GOLGA4: variants seen among roughly 807,000 people sequenced by gnomAD.
GOLGA4 encodes golgin subfamily A member 4.
A neutral mutation model predicts 265.9 loss-of-function variants in GOLGA4; 169 were observed. The observed-to-expected ratio is 0.64, with a 90% CI of 0.56 to 0.72. GOLGA4 has a LOEUF of 0.72. GOLGA4 is among the 30% of genes least tolerant of loss of function. The pLI is 0.00. For synonymous variants in GOLGA4, 923 were observed against 855.8 expected, an observed-to-expected ratio of 1.08 and a Z score of -1.37; for missense variants, 2,482 against 2,483.4, an observed-to-expected ratio of 1.00 and a Z score of 0.01.
intron 19 of GOLGA4, among the ~76,000 whole-genome samples, chr3:37,339,063 C>T (rs1283807645): frequency 6.6e-6 from 1 of 151,980 alleles, no homozygotes; most frequent in African/African-American, 2.4e-5. Flanking sequence ...GGGGTTTCAC[C>T]ATGTTAGCCA....
At chr3:37,299,084 C>T (rs1336873645) in intron 8 of GOLGA4, 64 bp downstream of exon 8, 5 of 1,353,528 alleles carry the variant, frequency 3.7e-6, no homozygotes, top group Non-Finnish European at 5.1e-6. Flanking sequence ...GGCTCCACAG[C>T]ATGGCTTGTA....
chr3:37,283,335 A>G (rs2096839786), intron 3 of GOLGA4, among the ~76,000 whole-genome samples: 1 of 152,226 alleles, frequency 6.6e-6, no homozygotes, highest in South Asian at 2.1e-4. Context: ...AGGCACTTGT[A>G]GAATCAAGCA....
Position 37,275,804 on chromosome 3 carries a change from C to T in GOLGA4, c.163-6154C>T. 7.4e-6 allele frequency: 12 copies of T among 1,613,698 alleles called. No individual in the cohort carries two copies. The South Asian group carries it at 8.8e-5, about 12-fold the overall frequency. The stretch of plus-strand genomic sequence containing the variant: ...GGAGCTTAAGAATATTCCTATGACC[C>T]TGGAATTACTGCAGTCCACAAGAAT... On this transcript the variant is annotated intron_variant, in intron 2 of 23. Transcript: ENST00000361924.
intron 3 of GOLGA4, among the ~76,000 whole-genome samples, chr3:37,283,882 AT>A (rs930288163): frequency 5.3e-5 from 8 of 152,186 alleles, no homozygotes; most frequent in African/African-American, 1.7e-4. Flanking sequence ...GTAGATGTTA[AT>A]TAGCTCAGTT....
At position 37,337,708 on chromosome 3, in the gene GOLGA4, T is replaced by C. The variant is rs1184697967; in HGVS notation, c.6370T>C (p.Leu2124=). 1 of 1,611,574 alleles carries C rather than the reference T, an allele frequency of 6.2e-7. No homozygotes were observed. Among genetic ancestry groups the C allele is most frequent in the Non-Finnish European group, 8.5e-7 (1 of 1,177,672 alleles). The change falls in exon 19 of 24, where the codon TTG becomes CTG. Residue 2124 remains leucine (L), a synonymous_variant. Transcript: ENST00000361924. ...QKTTLISDSK[L]KEQEFREQIH... ...GACGACTTTAATCAGTGATTCGAAA[T>C]TGAAAGAGCAAGAGTTCAGAGAACA...
chr3:37,285,803 A>G (rs981217374), intron 3 of GOLGA4, among the ~76,000 whole-genome samples: 1 of 152,252 alleles, frequency 6.6e-6, no homozygotes, highest in Admixed American at 6.5e-5. Flanking sequence ...AGATGAAGTC[A>G]TATGGAGATT....
In GOLGA4 at chr3:37,251,382, T is replaced by C; in HGVS notation, c.73-13T>C. The C allele has an allele frequency of 6.3e-7, 1 of 1,577,150 alleles. No homozygotes were observed. Among genetic ancestry groups the C allele is most frequent in the South Asian group, 1.1e-5 (1 of 90,314 alleles). On this transcript the variant is annotated splice_polypyrimidine_tract_variant and intron_variant, in intron 1 of 23. Coordinates refer to ENST00000361924, the MANE Select transcript of GOLGA4 (RefSeq NM_002078.5). ...ATAGTCTTGCTAATTTGTGCAATAA[T>C]TTTTAAATCTAGGCGTCCTCCAATT...
intron 6 of GOLGA4, 108 bp from the exon 7 acceptor site, chr3:37,295,979 G>A: frequency 1.1e-6 from 1 of 902,202 alleles, no homozygotes; most frequent in Admixed American, 2.1e-5. Flanking sequence ...TGCGGATTTT[G>A]GTATTAACAG....
intron 1 of GOLGA4, among the ~76,000 whole-genome samples, chr3:37,246,293 C>T (rs1238244095): frequency 2.7e-5 from 4 of 146,130 alleles, no homozygotes; most frequent in Non-Finnish European, 4.5e-5. Flanking sequence ...GGAGACAGAG[C>T]GAGACTCCGT....
At chr3:37,258,884 C>G (rs145184988) in intron 2 of GOLGA4, among the ~76,000 whole-genome samples, 196 of 152,004 alleles carry the variant, frequency 1.3e-3, no homozygotes, top group Admixed American at 8.0e-3. Flanking sequence ...CGGATTGATT[C>G]ATTAGTATTT....
At position 37,323,968 on chromosome 3, in the gene GOLGA4, A is replaced by G. The variant is rs1308685136; in HGVS notation, c.2082A>G (p.Ser694=). The G allele has an allele frequency of 2.5e-6, 4 of 1,613,584 alleles. No individual in the cohort carries two copies. Among genetic ancestry groups the G allele is most frequent in the Non-Finnish European group, 2.5e-6 (3 of 1,179,958 alleles). ...TAGAATCATTATCTTCTGAACTGTC[A>G]GAAGTATTAAAAGCCCGTCACAAAC... ...TELESLSSEL[S]EVLKARHKLE... Residue 694 remains serine (S), a synonymous_variant, in exon 14 of 24, where the codon TCA becomes TCG. Coordinates refer to ENST00000361924, the MANE Select transcript of GOLGA4 (RefSeq NM_002078.5).
At chr3:37,323,116 C>CTT (rs567838649) in intron 13 of GOLGA4, among the ~76,000 whole-genome samples, 57 of 114,124 alleles carry the variant, frequency 5.0e-4, no homozygotes, top group African/African-American at 1.3e-3. Flanking sequence ...TTCCTTTTGT[C>CTT]TTTTTTTTTT....
chr3:37,323,784 T>C lies in GOLGA4; in HGVS notation c.1898T>C (p.Val633Ala). 1 of 1,609,478 alleles carries C rather than the reference T, an allele frequency of 6.2e-7. No individual in the cohort carries two copies. The highest frequency in any genetic ancestry group is 1.3e-5 in the African/African-American group (1 of 74,540). Reference protein sequence around the residue: ...QDALWTEKLQVLKQQYQTEME... With the variant: ...QDALWTEKLQALKQQYQTEME... ...GCCCTTTGGACTGAAAAACTCCAAG[T>C]CTTAAAGCAACAATATCAGACTGAA... Residue 633 changes from valine (V) to alanine (A), a missense_variant, in exon 14 of 24, where the codon GTC becomes GCC. Around this residue, in one of 3 missense-constraint regions of GOLGA4, gnomAD observed 1,536 missense variants for 1,483.7 expected, o/e 1.04. Transcript: ENST00000361924.
At chr3:37,260,256 G>A (rs2096765860) in intron 2 of GOLGA4, among the ~76,000 whole-genome samples, 1 of 151,972 alleles carries the variant, frequency 6.6e-6, no homozygotes, top group African/African-American at 2.4e-5. Context: ...CCACAGGTTG[G>A]ATGAATTTAA....
chr3:37,366,779 G>A lies in GOLGA4; in HGVS notation c.*733G>A, dbSNP rs1696773153. On this transcript the variant is annotated 3_prime_UTR_variant, in exon 24 of 24. Coordinates refer to ENST00000361924, the MANE Select transcript of GOLGA4 (RefSeq NM_002078.5). Reference sequence around the variant, plus strand: ...TGTTTATTGTACTTGTTCCTCAGTTGAAATCTATTTTAAAATGTTTAAGAA... The same window carrying A: ...TGTTTATTGTACTTGTTCCTCAGTTAAAATCTATTTTAAAATGTTTAAGAA... 3 of 152,358 alleles carry A rather than the reference G, an allele frequency of 2.0e-5. No individual in the cohort carries two copies. In the South Asian group the frequency reaches 6.2e-4, roughly 32 times the overall value. 9.4% of individuals were successfully genotyped at this position (152,358 alleles called of 1,614,324 possible). A position where few individuals can be genotyped will look rare whatever the true frequency, so the allele number is the denominator to read the frequency against.
Position 37,282,585 on chromosome 3 carries a change from T to C in GOLGA4, c.477+313T>C, listed in dbSNP as rs1422100999. ...TTCAAGGTCACTTGGACACCCAGTG[T>C]GGAGTTCATCTTCTGGCTCATATCC... On this transcript the variant is annotated intron_variant, in intron 3 of 23. Coordinates refer to ENST00000361924, the MANE Select transcript of GOLGA4 (RefSeq NM_002078.5). Among the ~76,000 whole-genome samples the C allele has an allele frequency of 3.3e-5, 5 of 152,252 alleles. No individual in the cohort carries two copies. In the East Asian group the frequency reaches 7.7e-4, roughly 23 times the overall value.
intron 21 of GOLGA4, among the ~76,000 whole-genome samples, chr3:37,352,243 C>T (rs991871530): frequency 4.6e-5 from 7 of 151,964 alleles, no homozygotes; most frequent in Non-Finnish European, 1.0e-4. Flanking sequence ...CAGGGCTGAA[C>T]TAATGACATG....
Position 37,262,276 on chromosome 3 carries a change from C to T in GOLGA4, c.162+10792C>T, listed in dbSNP as rs537691847. Among the ~76,000 whole-genome samples, 173 of 152,220 alleles carry T rather than the reference C, an allele frequency of 1.1e-3. 1 individual carries two copies. Among genetic ancestry groups the T allele is most frequent in the African/African-American group, 4.0e-3 (166 of 41,536 alleles). On this transcript the variant is annotated intron_variant, in intron 2 of 23. Transcript: ENST00000361924. Reference sequence around the variant, plus strand: ...ATCTCAGCACTTTGGGAGGCCAAGGCGGGCAGATCACTTGAGGCCAGGAGT... The same window carrying T: ...ATCTCAGCACTTTGGGAGGCCAAGGTGGGCAGATCACTTGAGGCCAGGAGT...
rs1044096231 is a variant in GOLGA4, at chr3:37,243,348, G to A, written c.-203G>A. 12 of 576,902 alleles carry A rather than the reference G, an allele frequency of 2.1e-5. No individual in the cohort carries two copies. The highest frequency in any genetic ancestry group is 3.4e-5 in the Non-Finnish European group (11 of 321,516). 35.7% of individuals were successfully genotyped at this position (576,902 alleles called of 1,614,324 possible). A position where few individuals can be genotyped will look rare whatever the true frequency, so the allele number is the denominator to read the frequency against. On this transcript the variant is annotated 5_prime_UTR_variant, in exon 1 of 24. Transcript: ENST00000361924. ...GGGCCGAGGCCAGCCAGTGGCACCCGGAAGAAAGAGACGCGGCGGCGGCGA... is the reference window on the plus strand; with the variant it reads ...GGGCCGAGGCCAGCCAGTGGCACCCAGAAGAAAGAGACGCGGCGGCGGCGA...
Sources: gnomAD v4.1 joint callset for allele counts (sites outside exome capture counted in the v4.1 genomes callset) on GRCh38, gnomAD v4.1.1 for gene constraint, gnomAD v4.1.1 regional missense constraint, MANE v1.5 for transcripts, NCBI Gene and HGNC (gene_info 2026-07-23, HGNC 2026-07-21) for gene names.